PTPRM: variants seen among roughly 807,000 people sequenced by gnomAD.
PTPRM encodes receptor-type tyrosine-protein phosphatase mu.
A neutral mutation model predicts 186.7 loss-of-function variants in PTPRM; 47 were observed. The observed-to-expected ratio is 0.25, with a 90% CI of 0.20 to 0.32. The LOEUF (loss-of-function observed/expected upper bound fraction) is 0.32. Among genes scored for constraint, PTPRM ranks in the 10% least tolerant of loss-of-function variants. PTPRM has a pLI of 1.00. For missense variants in PTPRM, 1,494 were observed against 1,865.0 expected, an observed-to-expected ratio of 0.80 and a Z score of 3.66; for synonymous variants, 668 against 674.9, an observed-to-expected ratio of 0.99 and a Z score of 0.16.
chr18:8,203,781 G>C (rs1358720575), intron 14 of PTPRM, among the ~76,000 whole-genome samples: 4 of 152,162 alleles, frequency 2.6e-5, no homozygotes, highest in African/African-American at 4.8e-5. Context: ...GTGAAAAATA[G>C]AAGTTGCAAA....
intron 1 of PTPRM, among the ~76,000 whole-genome samples, chr18:7,763,690 A>G (rs866166516): frequency 2.6e-5 from 4 of 152,350 alleles, no homozygotes; most frequent in Admixed American, 1.3e-4. Context: ...ATTCTACCCA[A>G]TGAATATAAT....
intron 7 of PTPRM, among the ~76,000 whole-genome samples, chr18:7,960,917 C>CA: frequency 6.6e-6 from 1 of 152,198 alleles, no homozygotes; most frequent in East Asian, 1.9e-4. Flanking sequence ...ATACACATAA[C>CA]AAAACTTACC....
chr18:7,757,012 A>G (rs1365462802), intron 1 of PTPRM, among the ~76,000 whole-genome samples: 1 of 152,140 alleles, frequency 6.6e-6, no homozygotes, highest in Non-Finnish European at 1.5e-5. Context: ...CGCTGCAGCA[A>G]ACTTTTATTC....
intron 32 of PTPRM, among the ~76,000 whole-genome samples, chr18:8,400,295 T>G (rs1325121669): frequency 6.6e-6 from 1 of 152,218 alleles, no homozygotes; most frequent in Non-Finnish European, 1.5e-5. Context: ...GTCAGGGGCC[T>G]GGCTGCAGCA....
chr18:8,312,789 C>G (rs116469818), intron 20 of PTPRM, among the ~76,000 whole-genome samples: 1,535 of 152,262 alleles, frequency 0.01, 22 homozygotes, highest in African/African-American at 0.035. Flanking sequence ...GACCTCCTCT[C>G]AGCTTTTCTC....
intron 3 of PTPRM, 56 bp downstream of exon 3, chr18:7,888,433 T>C (rs1263046718): frequency 4.0e-6 from 6 of 1,486,292 alleles, no homozygotes; most frequent in East Asian, 2.4e-5. Context: ...TCTAAAAATA[T>C]AAATTATTGT....
At chr18:7,812,603 G>A (rs907932895) in intron 2 of PTPRM, among the ~76,000 whole-genome samples, 1 of 152,200 alleles carries the variant, frequency 6.6e-6, no homozygotes, top group African/African-American at 2.4e-5. Context: ...GATTGTCATG[G>A]CAGTGTGTGA....
At chr18:7,715,991 C>T (rs1055912409) in intron 1 of PTPRM, among the ~76,000 whole-genome samples, 2 of 152,260 alleles carry the variant, frequency 1.3e-5, no homozygotes, top group Middle Eastern at 6.8e-3. Flanking sequence ...TGACTTTCTT[C>T]AGAGAATTAG....
At chr18:8,373,731 G>A (rs1295567357) in intron 24 of PTPRM, among the ~76,000 whole-genome samples, 2 of 152,076 alleles carry the variant, frequency 1.3e-5, no homozygotes, top group Non-Finnish European at 2.9e-5. Context: ...TCAAAATTAA[G>A]TGACTAACTG....
At chr18:7,972,885 G>A (rs1223123018) in intron 7 of PTPRM, among the ~76,000 whole-genome samples, 1 of 151,998 alleles carries the variant, frequency 6.6e-6, no homozygotes, top group Non-Finnish European at 1.5e-5. Flanking sequence ...GCTCATTTAG[G>A]TGTGTAAATA....
intron 7 of PTPRM, among the ~76,000 whole-genome samples, chr18:7,988,209 C>G (rs552224228): frequency 6.6e-6 from 1 of 151,670 alleles, no homozygotes; most frequent in South Asian, 2.1e-4. Context: ...AAATTCTGAG[C>G]TAGACCTTAT....
chr18:7,624,315 G>C (rs1331921418), intron 1 of PTPRM, among the ~76,000 whole-genome samples: 1 of 152,154 alleles, frequency 6.6e-6, no homozygotes, highest in Non-Finnish European at 1.5e-5. Flanking sequence ...AATAAGGTCA[G>C]AGTACATCCT....
chr18:7,948,768 T>A (rs528886763), intron 5 of PTPRM, among the ~76,000 whole-genome samples: 6 of 152,308 alleles, frequency 3.9e-5, no homozygotes, highest in Middle Eastern at 3.4e-3. Flanking sequence ...ATTACTTCAT[T>A]TATAAAATGA....
chr18:8,080,342 A>T (rs2090060657), intron 9 of PTPRM, among the ~76,000 whole-genome samples: 1 of 152,218 alleles, frequency 6.6e-6, no homozygotes, highest in South Asian at 2.1e-4. Flanking sequence ...ACTCCTGGTC[A>T]TGAGACTAAC....
intron 12 of PTPRM, among the ~76,000 whole-genome samples, chr18:8,114,487 C>T (rs1198016380): frequency 3.3e-5 from 5 of 152,074 alleles, no homozygotes; most frequent in Non-Finnish European, 7.4e-5. Flanking sequence ...TGCTCAGGGG[C>T]AAAGTACAGA....
At chr18:7,636,540 G>A (rs532190843) in intron 1 of PTPRM, among the ~76,000 whole-genome samples, 1 of 152,074 alleles carries the variant, frequency 6.6e-6, no homozygotes, top group Non-Finnish European at 1.5e-5. Context: ...CCCTCCATTG[G>A]ACAAGTGGGG....
At chr18:7,714,015 A>C (rs936727654) in intron 1 of PTPRM, among the ~76,000 whole-genome samples, 1 of 152,204 alleles carries the variant, frequency 6.6e-6, no homozygotes, top group African/African-American at 2.4e-5. Context: ...CTCTGCACCA[A>C]GTGGACCTAA....
At chr18:7,856,715 G>A (rs2047111853) in intron 2 of PTPRM, among the ~76,000 whole-genome samples, 1 of 150,216 alleles carries the variant, frequency 6.7e-6, no homozygotes, top group Non-Finnish European at 1.5e-5. Context: ...CTGCACTCCA[G>A]CCTGGGCAAC....
chr18:8,080,244 G>A (rs1294526425), intron 9 of PTPRM, among the ~76,000 whole-genome samples: 1 of 152,066 alleles, frequency 6.6e-6, no homozygotes, highest in Non-Finnish European at 1.5e-5. Flanking sequence ...AAGTTTATTA[G>A]TAATACTCCC....
Sources: allele counts gnomAD v4.1 joint callset (sites outside exome capture counted in the v4.1 genomes callset), GRCh38; gene constraint gnomAD v4.1.1; transcripts MANE v1.5; gene names NCBI Gene and HGNC (gene_info 2026-07-23, HGNC 2026-07-21).